DMRT1: variants seen among roughly 807,000 people sequenced by gnomAD.
DMRT1 encodes doublesex and mab-3 related transcription factor 1.
In DMRT1, 7 loss-of-function variants were observed where a neutral mutation model predicts 32.3. The observed-to-expected ratio is 0.22, with a 90% CI of 0.12 to 0.41. DMRT1 has a LOEUF of 0.41. DMRT1 is among the 10% of genes least tolerant of loss of function. The probability of loss-of-function intolerance (pLI) is 1.00; values close to 1 mark genes in which losing one functional copy is unlikely to be tolerated. For missense variants in DMRT1, 625 were observed against 500.5 expected (o/e 1.25, Z -2.37); for synonymous variants, 278 against 206.1 (o/e 1.35, Z -2.99).
intron 3 of DMRT1, chr9:894,752 T>C (rs16925460): frequency 0.036 from 6,137 of 172,840 alleles, 160 homozygotes; most frequent in African/African-American, 0.077. Context: ...GGTGCATTTT[T>C]CGCTAGGAAT....
chr9:961,778 A>G (rs1221620568), intron 4 of DMRT1, among the ~76,000 whole-genome samples: 1 of 152,244 alleles, frequency 6.6e-6, no homozygotes, highest in East Asian at 1.9e-4. Context: ...GTTCAAAAGC[A>G]AGAATCTTCT....
In DMRT1 at chr9:927,110, C is replaced by T. The variant is rs910427613; in HGVS notation, c.967+10203C>T. On this transcript the variant is annotated intron_variant, in intron 4 of 4. Transcript: ENST00000382276. ...CCCTAGCGATTTTTTTCAGGGATGG[C>T]GTGGAGTACTTCTGGAGTTTATTTT... Among the ~76,000 whole-genome samples the T allele has an allele frequency of 7.2e-5, 11 of 152,144 alleles. No individual in the cohort carries two copies. In the South Asian group the frequency reaches 8.3e-4, roughly 11 times the overall value.
intron 2 of DMRT1, among the ~76,000 whole-genome samples, chr9:866,650 G>A (rs1816003442): frequency 6.6e-6 from 1 of 152,200 alleles, no homozygotes; most frequent in Non-Finnish European, 1.5e-5. Context: ...CAAATGCAGT[G>A]GATGGGCAAG....
intron 4 of DMRT1, among the ~76,000 whole-genome samples, chr9:959,156 G>A (rs17384903): frequency 0.025 from 3,877 of 152,322 alleles, 85 homozygotes; most frequent in South Asian, 0.13. Context: ...TTTCAGAGAC[G>A]ACTCGTAGAG....
At chr9:935,391 G>C (rs905028588) in intron 4 of DMRT1, among the ~76,000 whole-genome samples, 1 of 152,216 alleles carries the variant, frequency 6.6e-6, no homozygotes, top group African/African-American at 2.4e-5. Context: ...AAAGTGAAAA[G>C]TCAATGTGTA....
chr9:845,733 C>G (rs1838876152), intron 1 of DMRT1, among the ~76,000 whole-genome samples: 1 of 151,968 alleles, frequency 6.6e-6, no homozygotes, highest in Non-Finnish European at 1.5e-5. Flanking sequence ...GCTCCCTCCA[C>G]CCCAGGAATC....
intron 4 of DMRT1, among the ~76,000 whole-genome samples, chr9:919,722 C>T (rs1193842799): frequency 6.6e-6 from 1 of 152,036 alleles, no homozygotes; most frequent in Admixed American, 6.6e-5. Context: ...TATAGGGATG[C>T]AAGGGTGGAA....
intron 4 of DMRT1, among the ~76,000 whole-genome samples, chr9:924,110 C>G (rs1564254287): frequency 7.0e-6 from 1 of 143,506 alleles, no homozygotes. Flanking sequence ...CTCTCTCTGT[C>G]TCCCAGGCTG....
At chr9:849,285 A>G (rs533261266) in intron 2 of DMRT1, among the ~76,000 whole-genome samples, 13 of 152,170 alleles carry the variant, frequency 8.5e-5, no homozygotes, top group African/African-American at 3.1e-4. Flanking sequence ...ACACTTAACG[A>G]TTGTTTAGAG....
At chr9:882,138 CAG>C (rs994221941) in intron 2 of DMRT1, among the ~76,000 whole-genome samples, 7 of 152,178 alleles carry the variant, frequency 4.6e-5, no homozygotes, top group Admixed American at 2.0e-4. Flanking sequence ...GAGCAGGAAT[CAG>C]GGCAGGGAGA....
chr9:945,311 G>C (rs576211605), intron 4 of DMRT1, among the ~76,000 whole-genome samples: 2 of 152,032 alleles, frequency 1.3e-5, no homozygotes, highest in African/African-American at 4.8e-5. Context: ...CTGCCATCAC[G>C]CCTGGCTAAT....
At chr9:872,516 C>T (rs80223598) in intron 2 of DMRT1, among the ~76,000 whole-genome samples, 5 of 152,312 alleles carry the variant, frequency 3.3e-5, no homozygotes, top group Non-Finnish European at 5.9e-5. Context: ...AACCACTAGC[C>T]TACTTTCTAT....
intron 4 of DMRT1, among the ~76,000 whole-genome samples, chr9:922,763 C>A (rs188383451): frequency 6.6e-6 from 1 of 152,290 alleles, no homozygotes; most frequent in Non-Finnish European, 1.5e-5. Flanking sequence ...AAGCTGCACT[C>A]TTTTCAGGAG....
chr9:952,915 T>A (rs546704012), intron 4 of DMRT1, among the ~76,000 whole-genome samples: 2 of 152,352 alleles, frequency 1.3e-5, no homozygotes, highest in East Asian at 3.9e-4. Context: ...TATATTCTTT[T>A]TTTGTTGATC....
chr9:896,380 G>C (rs4742541), intron 3 of DMRT1, among the ~76,000 whole-genome samples: 5,975 of 147,594 alleles, frequency 0.04, 274 homozygotes, highest in East Asian at 0.14. Flanking sequence ...CTGGGTTCAA[G>C]TGATTCTCCT....
intron 2 of DMRT1, among the ~76,000 whole-genome samples, chr9:872,700 TACA>T (rs1306947223): frequency 6.6e-6 from 1 of 152,256 alleles, no homozygotes; most frequent in Non-Finnish European, 1.5e-5. Context: ...TGTATGAATA[TACA>T]ACATTTCGTT....
chr9:862,344 T>A, intron 2 of DMRT1, among the ~76,000 whole-genome samples: 1 of 151,108 alleles, frequency 6.6e-6, no homozygotes. Context: ...CACCGAAAAA[T>A]AGGAAAACCA....
chr9:861,363 T>C (rs910653658), intron 2 of DMRT1, among the ~76,000 whole-genome samples: 111 of 152,294 alleles, frequency 7.3e-4, no homozygotes, highest in African/African-American at 2.5e-3. Flanking sequence ...AGCACATGTT[T>C]CAGAGAGCAC....
intron 4 of DMRT1, among the ~76,000 whole-genome samples, chr9:930,200 G>C (rs573927877): frequency 6.6e-6 from 1 of 152,198 alleles, no homozygotes; most frequent in Admixed American, 6.5e-5. Context: ...AGGTAGGATG[G>C]AGCTAGATTG....
Sources: allele counts gnomAD v4.1 joint callset (sites outside exome capture counted in the v4.1 genomes callset), GRCh38; gene constraint gnomAD v4.1.1; transcripts MANE v1.5; gene names NCBI Gene and HGNC (gene_info 2026-07-23, HGNC 2026-07-21).